The following OSBPL10 variants were observed in gnomAD, a reference collection of about 807,000 sequenced individuals.
OSBPL10 encodes oxysterol-binding protein-related protein 10.
A neutral mutation model predicts 81.7 loss-of-function variants in OSBPL10; 49 were observed. The observed-to-expected ratio is 0.60, with a 90% CI of 0.48 to 0.76. OSBPL10 has a LOEUF of 0.76. OSBPL10 is among the 30% of genes least tolerant of loss of function. The probability of loss-of-function intolerance (pLI) is 0.00; values close to 1 mark genes in which losing one functional copy is unlikely to be tolerated. For synonymous variants in OSBPL10, 419 were observed against 383.6 expected (o/e 1.09, Z -1.08); for missense variants, 923 against 987.8 (o/e 0.93, Z 0.88).
intron 4 of OSBPL10, among the ~76,000 whole-genome samples, chr3:31,821,959 A>G (rs1490903464): frequency 6.6e-6 from 1 of 152,246 alleles, no homozygotes; most frequent in Non-Finnish European, 1.5e-5. Context: ...ACACCAAATC[A>G]TCCTGAAAGG....
intron 5 of OSBPL10, among the ~76,000 whole-genome samples, chr3:31,736,609 T>C (rs1349009890): frequency 2.6e-5 from 4 of 152,184 alleles, no homozygotes; most frequent in African/African-American, 9.7e-5. Flanking sequence ...AGTTGTTCCA[T>C]AGATAGAGGG....
intron 1 of OSBPL10, among the ~76,000 whole-genome samples, chr3:32,067,774 C>T (rs116182169): frequency 0.13 from 19,861 of 152,180 alleles, 1,385 homozygotes; most frequent in African/African-American, 0.18. Context: ...CTAACTCCAC[C>T]ACCTATCCTG....
intron 4 of OSBPL10, among the ~76,000 whole-genome samples, chr3:31,786,747 A>C (rs969867876): frequency 1.3e-5 from 2 of 152,190 alleles, no homozygotes; most frequent in African/African-American, 4.8e-5. Flanking sequence ...TGTATGATTT[A>C]AGCACTTTAA....
intron 5 of OSBPL10, among the ~76,000 whole-genome samples, chr3:31,737,095 A>T (rs562750201): frequency 6.6e-6 from 1 of 152,312 alleles, no homozygotes; most frequent in African/African-American, 2.4e-5. Context: ...TGGGATAGAC[A>T]AAGACCAGGA....
chr3:32,026,069 A>ATAT (rs1553649796), intron 2 of OSBPL10, among the ~76,000 whole-genome samples: 1 of 101,376 alleles, frequency 9.9e-6, no homozygotes, highest in African/African-American at 3.0e-5. Flanking sequence ...ATAGATAGAT[A>ATAT]GATAGATAGA....
intron 7 of OSBPL10, among the ~76,000 whole-genome samples, chr3:31,697,261 G>C (rs1456085802): frequency 1.3e-5 from 2 of 152,124 alleles, no homozygotes; most frequent in Admixed American, 6.5e-5. Flanking sequence ...AAGGTCCTAA[G>C]ACTTCATGAA....
intron 1 of OSBPL10, among the ~76,000 whole-genome samples, chr3:31,895,918 A>C (rs1696040787): frequency 6.6e-6 from 1 of 152,226 alleles, no homozygotes; most frequent in Non-Finnish European, 1.5e-5. Flanking sequence ...GGAAGGTGAA[A>C]TCTAATTCCC....
At chr3:32,017,806 C>G (rs1699328782) in intron 2 of OSBPL10, among the ~76,000 whole-genome samples, 1 of 152,126 alleles carries the variant, frequency 6.6e-6, no homozygotes. Context: ...TTTCTATAAT[C>G]CCAGGTGAAT....
At chr3:31,743,093 C>T (rs746093993) in intron 5 of OSBPL10, among the ~76,000 whole-genome samples, 15 of 135,328 alleles carry the variant, frequency 1.1e-4, no homozygotes, top group Admixed American at 2.5e-4. Context: ...CAGGCTGGAA[C>T]GCAGTGGTGC....
Position 31,780,134 on chromosome 3 carries a change from T to C in OSBPL10, c.730-32014A>G, listed in dbSNP as rs56368919. Among the ~76,000 whole-genome samples the C allele has an allele frequency of 3.9e-3, 589 of 151,918 alleles. 2 individuals are homozygous for C. Among genetic ancestry groups the C allele is most frequent in the Non-Finnish European group, 6.9e-3 (469 of 67,950 alleles). ...GGTGAAACCCCTTCTCTACTAAAAA[T>C]ACAAAAAGATTAGCCGGGTGTGGTG... is the stretch of plus-strand genomic sequence containing the variant. On this transcript the variant is annotated intron_variant, in intron 4 of 11. Coordinates refer to ENST00000396556, the MANE Select transcript of OSBPL10 (RefSeq NM_017784.5).
At chr3:32,028,988 A>ACACAC (rs1699442703) in intron 2 of OSBPL10, among the ~76,000 whole-genome samples, 1 of 144,984 alleles carries the variant, frequency 6.9e-6, no homozygotes, top group African/African-American at 2.6e-5. Context: ...ACACACACAC[A>ACACAC]CCAGGAATGT....
chr3:31,812,378 C>G (rs1430366654), intron 4 of OSBPL10, among the ~76,000 whole-genome samples: 1 of 152,146 alleles, frequency 6.6e-6, no homozygotes, highest in East Asian at 1.9e-4. Flanking sequence ...GTTAACGTCC[C>G]CTAGGCAGGG....
intron 2 of OSBPL10, among the ~76,000 whole-genome samples, chr3:32,016,757 G>A (rs2125542810): frequency 1.3e-5 from 2 of 152,178 alleles, no homozygotes; most frequent in East Asian, 3.9e-4. Flanking sequence ...TTGGGAGGCA[G>A]AATTAAAATG....
chr3:31,915,612 G>A (rs1170480311), intron 1 of OSBPL10, among the ~76,000 whole-genome samples: 1 of 152,118 alleles, frequency 6.6e-6, no homozygotes, highest in African/African-American at 2.4e-5. Context: ...GACTAAAGTA[G>A]GGAAGGAGAG....
intron 3 of OSBPL10, among the ~76,000 whole-genome samples, chr3:31,855,972 T>C (rs538075263): frequency 6.6e-6 from 1 of 152,022 alleles, no homozygotes; most frequent in African/African-American, 2.4e-5. Context: ...TGCAATAAAC[T>C]AGTTCAACTG....
chr3:31,720,612 G>C (rs1208792030), intron 6 of OSBPL10, among the ~76,000 whole-genome samples: 1 of 152,060 alleles, frequency 6.6e-6, no homozygotes, highest in African/African-American at 2.4e-5. Flanking sequence ...AAATGGCCCA[G>C]AGACGGCCAG....
intron 4 of OSBPL10, among the ~76,000 whole-genome samples, chr3:31,786,476 G>T (rs1441977500): frequency 6.6e-6 from 1 of 152,142 alleles, no homozygotes; most frequent in Admixed American, 6.5e-5. Context: ...CCAAGATCAA[G>T]GTGCCTGTAG....
intron 6 of OSBPL10, among the ~76,000 whole-genome samples, chr3:31,704,433 G>T (rs1005173482): frequency 6.6e-6 from 1 of 152,242 alleles, no homozygotes; most frequent in Non-Finnish European, 1.5e-5. Flanking sequence ...CCAGCTGGGG[G>T]AGGAGAGGGT....
intron 8 of OSBPL10, among the ~76,000 whole-genome samples, chr3:31,672,021 T>C (rs549216564): frequency 6.6e-6 from 1 of 152,130 alleles, no homozygotes; most frequent in Non-Finnish European, 1.5e-5. Flanking sequence ...CACTCTAGGG[T>C]TGCTCTGAGC....
Sources: allele counts gnomAD v4.1 joint callset (sites outside exome capture counted in the v4.1 genomes callset), GRCh38; gene constraint gnomAD v4.1.1; transcripts MANE v1.5; gene names NCBI Gene and HGNC (gene_info 2026-07-23, HGNC 2026-07-21).